MCM7: variants seen among roughly 807,000 people sequenced by gnomAD.
The protein encoded by MCM7 is minichromosome maintenance complex component 7, also known as DNA replication licensing factor MCM7.
MCM7 carries 95 observed loss-of-function variants against 83.5 expected under a neutral mutation model. The ratio of observed to expected loss-of-function variants is 1.14; its 90% CI spans 0.96 to 1.35. MCM7 has a LOEUF of 1.35. Among genes scored for constraint, MCM7 ranks in the 40% most tolerant of loss-of-function variants. MCM7 has a pLI of 0.00. For synonymous variants in MCM7, 461 were observed against 352.7 expected, an observed-to-expected ratio of 1.31 and a Z score of -3.44; for missense variants, 1,087 against 957.4, an observed-to-expected ratio of 1.14 and a Z score of -1.79.
intron 1 of MCM7, chr7:100,100,972 G>A (rs1795983207): frequency 1.0e-5 from 10 of 978,742 alleles, no homozygotes; most frequent in Non-Finnish European, 1.4e-5. Flanking sequence ...GGTCCTGGGC[G>A]CGACTTTTCC....
Position 100,101,253 on chromosome 7 carries a change from T to C in MCM7, c.31+11A>G, listed in dbSNP as rs758353965. ...CGCGCAGGACGCCCTCCCGGGCTCG[T>C]AGACCCGTACCCTTCTCTAGCGCGT... On this transcript the variant is annotated intron_variant, in intron 1 of 14. Coordinates refer to ENST00000303887, the MANE Select transcript of MCM7 (RefSeq NM_005916.5). The C allele has an allele frequency of 5.6e-6, 9 of 1,612,990 alleles. No individual in the cohort carries two copies. In the East Asian group the frequency reaches 1.8e-4, roughly 32 times the overall value.
intron 9 of MCM7, 107 bp from the exon 10 acceptor site, chr7:100,097,491 G>A: frequency 2.5e-6 from 4 of 1,571,656 alleles, no homozygotes; most frequent in Non-Finnish European, 3.5e-6. Flanking sequence ...CTATTTCTAA[G>A]CCCTCCCTGT....
intron 3 of MCM7, 37 bp downstream of exon 3, chr7:100,099,552 C>T (rs1343186603): frequency 3.1e-6 from 5 of 1,609,168 alleles, no homozygotes; most frequent in Non-Finnish European, 4.2e-6. Flanking sequence ...GCTTAAACGC[C>T]TCGCCCTTTG....
intron 11 of MCM7, 78 bp from the exon 12 acceptor site, chr7:100,095,548 C>T: frequency 2.1e-6 from 3 of 1,433,552 alleles, no homozygotes; most frequent in South Asian, 1.2e-5. Context: ...CCTCCTTTGG[C>T]TCTGCCACTT....
Position 100,097,841 on chromosome 7 carries a change from T to C in MCM7, c.978A>G (p.Gln326=). The change falls in exon 8 of 15, where the codon CAA becomes CAG. Residue 326 remains glutamine (Q), a synonymous_variant. Coordinates refer to ENST00000303887, the MANE Select transcript of MCM7 (RefSeq NM_005916.5). ...AGELTREELR[Q]IAEEDFYEKL... ...CTCTCCCCTGCCCCTCACCTGCAATTTGCCTCAGCTCCTCCCTGGTGAGCT... is the reference window on the plus strand; with the variant it reads ...CTCTCCCCTGCCCCTCACCTGCAATCTGCCTCAGCTCCTCCCTGGTGAGCT... 1 of 1,614,124 alleles carries C rather than the reference T, an allele frequency of 6.2e-7. No homozygotes were observed. Among genetic ancestry groups the C allele is most frequent in the Non-Finnish European group, 8.5e-7 (1 of 1,180,016 alleles).
At position 100,098,617 on chromosome 7, in the gene MCM7, G is replaced by A. The variant is rs1329136250; in HGVS notation, c.681C>T (p.Ser227=). The change falls in exon 6 of 15, where the codon TCC becomes TCT. Residue 227 remains serine, a synonymous_variant. Coordinates refer to ENST00000303887, the MANE Select transcript of MCM7 (RefSeq NM_005916.5). The part of the protein sequence containing the change: ...GGRLYLQTRG[S]RFIKFQEMKM... ...TCATCTCCTGGAATTTGATGAATCT[G>A]GAGCCCCGTGTCTGCAGATACAGCC... is the stretch of plus-strand genomic sequence containing the variant. The A allele has an allele frequency of 6.2e-7, 1 of 1,614,134 alleles. No individual in the cohort carries two copies. Among genetic ancestry groups the A allele is most frequent in the South Asian group, 1.1e-5 (1 of 91,080 alleles).
chr7:100,100,518 T>C (rs1331029464), intron 1 of MCM7: 1 of 1,001,464 alleles, frequency 1.0e-6, no homozygotes, highest in Non-Finnish European at 1.2e-6. Flanking sequence ...CGCCATCGCT[T>C]CCGCTCTTAG....
At chr7:100,100,581 C>G (rs971595830) in intron 1 of MCM7, 7 of 991,118 alleles carry the variant, frequency 7.1e-6, no homozygotes, top group Non-Finnish European at 8.4e-6. Context: ...GCTCGGGATT[C>G]CTCCGCCCAG....
Position 100,098,212 on chromosome 7 carries a change from G to A in MCM7, c.799C>T (p.Pro267Ser), listed in dbSNP as rs1795748374. 1 of 1,614,132 alleles carries A rather than the reference G, an allele frequency of 6.2e-7. No homozygotes were observed. Among genetic ancestry groups the A allele is most frequent in the East Asian group, 2.2e-5 (1 of 44,884 alleles). The change falls in exon 7 of 15, where the codon CCT becomes TCT. Residue 267 changes from proline (P) to serine (S), a missense_variant. Transcript: ENST00000303887. Reference sequence around the variant, plus strand: ...CCAGTGACGCTGACGTGGTCTCCAGGCTGGGCAATCCTTGTGTTCTCTCCT... The same window carrying A: ...CCAGTGACGCTGACGTGGTCTCCAGACTGGGCAATCCTTGTGTTCTCTCCT... ...VEGENTRIAQPGDHVSVTGIF... is the reference protein window; with the variant it reads ...VEGENTRIAQSGDHVSVTGIF...
rs1795716600 is a variant in MCM7 at position 100,097,747 on chromosome 7, T to C, written c.986-2A>G. Reference sequence around the variant, plus strand: ...CCAGCTTTTCGTAGAAATCCTCCTCTGTAGAGAAGTTAAGGTTGTTTTATT... The same window carrying C: ...CCAGCTTTTCGTAGAAATCCTCCTCCGTAGAGAAGTTAAGGTTGTTTTATT... On this transcript the variant is annotated splice_acceptor_variant, in intron 8 of 14. Transcript: ENST00000303887. LOFTEE classifies it high-confidence loss of function. The C allele has an allele frequency of 1.9e-6, 3 of 1,614,064 alleles. No homozygotes were observed. The highest frequency in any genetic ancestry group is 2.2e-5 in the East Asian group (1 of 44,898).
chr7:100,100,477 G>C (rs1584499653), intron 1 of MCM7: 1 of 906,702 alleles, frequency 1.1e-6, no homozygotes, highest in South Asian at 4.7e-5. Flanking sequence ...CTCCGCCACC[G>C]CACCCCGCCA....
In MCM7 at chr7:100,097,914, C is replaced by T. The variant is rs767546167; in HGVS notation, c.905G>A (p.Arg302Gln). The change falls in exon 8 of 15, where the codon CGG becomes CAG. Residue 302 changes from arginine to glutamine, a missense_variant. Transcript: ENST00000303887. ...CTCACTCTTGTTCATCTTCACAATC[C>T]GATGGGCTTCCAGGTAGGTTTCTGA... is the stretch of plus-strand genomic sequence containing the variant. The part of the protein sequence containing the change: ...LLSETYLEAH[R>Q]IVKMNKSEDD... 52 of 1,614,068 alleles carry T rather than the reference C, an allele frequency of 3.2e-5. No individual in the cohort carries two copies. The Middle Eastern group carries it at 6.6e-4, about 20-fold the overall frequency.
In MCM7 at chr7:100,092,866, C is replaced by T. The variant is rs1795385609; in HGVS notation, c.*66G>A. 1 of 1,563,832 alleles carries T rather than the reference C, an allele frequency of 6.4e-7. No homozygotes were observed. The highest frequency in any genetic ancestry group is 1.7e-5 in the Admixed American group (1 of 59,676). On this transcript the variant is annotated 3_prime_UTR_variant, in exon 15 of 15. Coordinates refer to ENST00000303887, the MANE Select transcript of MCM7 (RefSeq NM_005916.5). ...CTCCTCCTTCCCCTCAAAGGCATCA[C>T]TGCCCCTTCCCAAGGGGCAGGCCAG...
Position 100,092,869 on chromosome 7 carries a change from C to A in MCM7, c.*63G>T. Reference sequence around the variant, plus strand: ...CTCCTTCCCCTCAAAGGCATCACTGCCCCTTCCCAAGGGGCAGGCCAGCAG... The same window carrying A: ...CTCCTTCCCCTCAAAGGCATCACTGACCCTTCCCAAGGGGCAGGCCAGCAG... On this transcript the variant is annotated 3_prime_UTR_variant, in exon 15 of 15. Coordinates refer to ENST00000303887, the MANE Select transcript of MCM7 (RefSeq NM_005916.5). 6.3e-7 allele frequency: 1 copy of A among 1,574,818 alleles called. No homozygotes were observed. The highest frequency in any genetic ancestry group is 8.7e-7 in the Non-Finnish European group (1 of 1,144,940).
Position 100,099,145 on chromosome 7 carries a change from C to T in MCM7, c.460G>A (p.Ala154Thr). The T allele has an allele frequency of 6.2e-7, 1 of 1,614,110 alleles. No individual in the cohort carries two copies. The highest frequency in any genetic ancestry group is 8.5e-7 in the Non-Finnish European group (1 of 1,180,034). ...NKPRVIREVRADSVGKLVTVR... is the reference protein window; with the variant it reads ...NKPRVIREVRTDSVGKLVTVR... ...GTTACCAACTTCCCCACAGAGTCAGCCCGCACTTCCCGGATCACACGAGGC... is the reference window on the plus strand; with the variant it reads ...GTTACCAACTTCCCCACAGAGTCAGTCCGCACTTCCCGGATCACACGAGGC... Residue 154 changes from alanine to threonine, a missense_variant, in exon 5 of 15, where the codon GCT becomes ACT. Transcript: ENST00000303887.
At chr7:100,097,586 C>T in intron 9 of MCM7, 28 bp downstream of exon 9, 1 of 1,612,802 alleles carries the variant, frequency 6.2e-7, no homozygotes, top group Non-Finnish European at 8.5e-7. Flanking sequence ...CTTCATCCAC[C>T]CTGAGCCTCT....
At chr7:100,093,736 G>A (rs1270322191) in intron 13 of MCM7, 2 of 636,832 alleles carry the variant, frequency 3.1e-6, no homozygotes, top group Non-Finnish European at 6.1e-6. Context: ...GGGGAGCTCA[G>A]CCAAGAAGAC....
intron 11 of MCM7, 85 bp from the exon 12 acceptor site, chr7:100,095,555 A>T: frequency 7.2e-7 from 1 of 1,397,806 alleles, no homozygotes; most frequent in Non-Finnish European, 9.9e-7. Flanking sequence ...TGGCTCTGCC[A>T]CTTCCTCACA....
At position 100,096,046 on chromosome 7, in the gene MCM7, C is replaced by A; in HGVS notation, c.1323G>T (p.Val441=). 6.2e-7 allele frequency: 1 copy of A among 1,614,036 alleles called. No homozygotes were observed. The highest frequency in any genetic ancestry group is 1.1e-5 in the South Asian group (1 of 91,078). ...TCTTGTCGAACTCATCAATGCAGCA[C>A]ACACCCTGGTCAGCCAGCACCAGGG... is the stretch of plus-strand genomic sequence containing the variant. ...GGALVLADQG[V]CCIDEFDKMA... is the part of the protein sequence containing the mutation. The change falls in exon 11 of 15, where the codon GTG becomes GTT. Residue 441 remains valine, a synonymous_variant. Transcript: ENST00000303887.
Sources: allele counts gnomAD v4.1 joint callset, GRCh38; gene constraint gnomAD v4.1.1; transcripts MANE v1.5; gene names NCBI Gene and HGNC (gene_info 2026-07-23, HGNC 2026-07-21).